The following AUTS2 variants were observed in gnomAD, a reference collection of about 807,000 sequenced individuals.
AUTS2 encodes autism susceptibility gene 2 protein.
AUTS2 carries 17 observed loss-of-function variants against 112.4 expected under a neutral mutation model. That is an observed-to-expected ratio of 0.15 (90% CI 0.10 to 0.23). The LOEUF (loss-of-function observed/expected upper bound fraction) is 0.23. AUTS2 is among the 10% of genes least tolerant of loss of function. AUTS2 has a pLI of 1.00. For synonymous variants in AUTS2, 751 were observed against 702.7 expected (o/e 1.07, Z -1.09); for missense variants, 1,510 against 1,701.6 (o/e 0.89, Z 1.98).
At chr7:70,785,453 T>C (rs1791387579) in intron 16 of AUTS2, 1 of 473,502 alleles carries the variant, frequency 2.1e-6, no homozygotes, top group African/African-American at 2.0e-5. Context: ...CCCCGATAAA[T>C]GAGTCTCTTC....
chr7:70,016,943 C>T (rs1330014723), intron 2 of AUTS2, among the ~76,000 whole-genome samples: 1 of 152,230 alleles, frequency 6.6e-6, no homozygotes, highest in Non-Finnish European at 1.5e-5. Context: ...GCTGGGATTA[C>T]AGGCGTGAGC....
chr7:69,980,807 T>G (rs1453138529), intron 2 of AUTS2, among the ~76,000 whole-genome samples: 1 of 152,154 alleles, frequency 6.6e-6, no homozygotes, highest in African/African-American at 2.4e-5. Flanking sequence ...TGGCGTCAAT[T>G]TTTTTAAAAA....
chr7:70,695,745 C>T (rs890854432), intron 5 of AUTS2, among the ~76,000 whole-genome samples: 2 of 152,250 alleles, frequency 1.3e-5, no homozygotes, highest in African/African-American at 4.8e-5. Flanking sequence ...TAAACGCCAA[C>T]TACGGCTTCT....
chr7:70,025,766 T>C (rs2129555815), intron 2 of AUTS2, among the ~76,000 whole-genome samples: 1 of 150,380 alleles, frequency 6.6e-6, no homozygotes, highest in African/African-American at 2.5e-5. Flanking sequence ...TGCATACTTT[T>C]TTTTACTAAG....
intron 4 of AUTS2, among the ~76,000 whole-genome samples, chr7:70,176,325 A>G (rs929711131): frequency 6.6e-6 from 1 of 152,224 alleles, no homozygotes; most frequent in African/African-American, 2.4e-5. Context: ...ATCACTTAAT[A>G]ATTACTTCAA....
At chr7:70,006,162 T>A (rs1391785915) in intron 2 of AUTS2, among the ~76,000 whole-genome samples, 1 of 152,146 alleles carries the variant, frequency 6.6e-6, no homozygotes, top group Non-Finnish European at 1.5e-5. Context: ...CTACTCAAAG[T>A]CTAATATTAG....
intron 4 of AUTS2, among the ~76,000 whole-genome samples, chr7:70,348,805 C>T (rs539610915): frequency 2.0e-5 from 3 of 152,072 alleles, no homozygotes; most frequent in South Asian, 2.1e-4. Context: ...AGCGAGACTC[C>T]GTCTCAAAAA....
chr7:70,382,499 G>A (rs1028085869), intron 4 of AUTS2, among the ~76,000 whole-genome samples: 1 of 152,106 alleles, frequency 6.6e-6, no homozygotes, highest in African/African-American at 2.4e-5. Context: ...CTATCTGGCA[G>A]TAAAGACTAT....
At chr7:70,373,527 A>G (rs963010497) in intron 4 of AUTS2, among the ~76,000 whole-genome samples, 1 of 152,052 alleles carries the variant, frequency 6.6e-6, no homozygotes, top group Non-Finnish European at 1.5e-5. Context: ...ATTTTTCCCA[A>G]ACTATCTTTC....
intron 5 of AUTS2, among the ~76,000 whole-genome samples, chr7:70,684,917 T>C (rs1585503228): frequency 6.6e-6 from 1 of 152,194 alleles, no homozygotes; most frequent in East Asian, 1.9e-4. Context: ...TGTGTTACTC[T>C]AGGGCATTTT....
intron 6 of AUTS2, among the ~76,000 whole-genome samples, chr7:70,709,578 G>A (rs373036507): frequency 6.6e-6 from 1 of 152,124 alleles, no homozygotes; most frequent in South Asian, 2.1e-4. Flanking sequence ...GGGCATGGTG[G>A]CACACGCCTG....
chr7:70,488,140 C>T (rs1798088684), intron 5 of AUTS2, among the ~76,000 whole-genome samples: 1 of 152,348 alleles, frequency 6.6e-6, no homozygotes, highest in Non-Finnish European at 1.5e-5. Context: ...GCAAGGAGGC[C>T]AGGCTGCAGT....
At chr7:69,957,267 C>CT (rs1292029734) in intron 2 of AUTS2, among the ~76,000 whole-genome samples, 1 of 151,432 alleles carries the variant, frequency 6.6e-6, no homozygotes, top group African/African-American at 2.4e-5. Flanking sequence ...ACAGAGTTGA[C>CT]TTTTTTGTTT....
chr7:69,773,697 G>C (rs1175220996), intron 1 of AUTS2, among the ~76,000 whole-genome samples: 3 of 152,166 alleles, frequency 2.0e-5, no homozygotes, highest in Admixed American at 6.5e-5. Context: ...GCCAGGTGGT[G>C]TCAGGAGAAC....
intron 4 of AUTS2, among the ~76,000 whole-genome samples, chr7:70,323,879 C>G (rs1790368537): frequency 6.6e-6 from 1 of 152,140 alleles, no homozygotes; most frequent in Non-Finnish European, 1.5e-5. Flanking sequence ...CCCATTTTCC[C>G]CATTAAATAT....
At chr7:70,508,902 T>G (rs1303675990) in intron 5 of AUTS2, among the ~76,000 whole-genome samples, 1 of 152,232 alleles carries the variant, frequency 6.6e-6, no homozygotes, top group African/African-American at 2.4e-5. Flanking sequence ...TGAGTTTGAG[T>G]CTTATTCAGA....
chr7:69,766,718 C>T (rs1788437564), intron 1 of AUTS2, among the ~76,000 whole-genome samples: 2 of 152,148 alleles, frequency 1.3e-5, no homozygotes, highest in African/African-American at 2.4e-5. Context: ...TAGGTTGGTG[C>T]CTCTCATTAG....
intron 4 of AUTS2, among the ~76,000 whole-genome samples, chr7:70,313,653 C>T (rs1265871566): frequency 6.6e-6 from 1 of 152,158 alleles, no homozygotes; most frequent in Non-Finnish European, 1.5e-5. Flanking sequence ...TAGATGCTCT[C>T]GTTGCTGGTT....
intron 2 of AUTS2, among the ~76,000 whole-genome samples, chr7:70,095,418 C>T (rs1804141321): frequency 6.6e-6 from 1 of 152,172 alleles, no homozygotes; most frequent in South Asian, 2.1e-4. Flanking sequence ...CATTCAGAAT[C>T]ATGCTTCTGA....
Sources: gnomAD v4.1 joint callset for allele counts (sites outside exome capture counted in the v4.1 genomes callset) on GRCh38, gnomAD v4.1.1 for gene constraint, MANE v1.5 for transcripts, NCBI Gene and HGNC (gene_info 2026-07-23, HGNC 2026-07-21) for gene names.